The following RAD21 variants were observed in gnomAD, a reference collection of about 807,000 sequenced individuals.
RAD21 encodes the protein RAD21 cohesin complex component, also known as double-strand-break repair protein rad21 homolog.
A neutral mutation model predicts 71.5 loss-of-function variants in RAD21; 18 were observed. The observed-to-expected ratio is 0.25, with a 90% CI of 0.17 to 0.37. The LOEUF (loss-of-function observed/expected upper bound fraction) is 0.37, where lower values mean the gene tolerates loss of function less well. Among genes scored for constraint, RAD21 ranks in the 10% least tolerant of loss-of-function variants. The probability of loss-of-function intolerance (pLI) is 1.00; values close to 1 mark genes in which losing one functional copy is unlikely to be tolerated. For missense variants in RAD21, 493 were observed against 769.1 expected, an observed-to-expected ratio of 0.64 and a Z score of 4.25; for synonymous variants, 248 against 254.0, an observed-to-expected ratio of 0.98 and a Z score of 0.22.
chr8:116,849,271 T>G, intron 12 of RAD21: 1 of 412,178 alleles, frequency 2.4e-6, no homozygotes, highest in African/African-American at 2.0e-5. Flanking sequence ...AAAGTATGCT[T>G]CTATATTGCG....
intron 1 of RAD21, among the ~76,000 whole-genome samples, chr8:116,871,723 A>C (rs1812825395): frequency 6.6e-6 from 1 of 152,254 alleles, no homozygotes; most frequent in African/African-American, 2.4e-5. Context: ...AAAAATCCTA[A>C]GAAAACTTAC....
intron 12 of RAD21, among the ~76,000 whole-genome samples, chr8:116,850,410 A>G (rs1289242355): frequency 6.6e-6 from 1 of 152,202 alleles, no homozygotes; most frequent in East Asian, 1.9e-4. Context: ...AAAACCCCAC[A>G]AGAGAGCCAA....
chr8:116,861,708 T>C, intron 4 of RAD21, 133 bp downstream of exon 4: 1 of 532,402 alleles, frequency 1.9e-6, no homozygotes, highest in Non-Finnish European at 3.3e-6. Context: ...ATTTATATAC[T>C]ATCCTATATA....
chr8:116,867,564 A>T lies in RAD21; in HGVS notation c.-32-803T>A, dbSNP rs1057140266. Among the ~76,000 whole-genome samples, 6 of 152,298 alleles carry T rather than the reference A, an allele frequency of 3.9e-5. No homozygotes were observed. In the East Asian group the frequency reaches 1.2e-3, roughly 29 times the overall value. On this transcript the variant is annotated intron_variant, in intron 1 of 13. Transcript: ENST00000297338. ...ACATTAACTGCAGGATATTTCCTTTATATCATTTAATTCCCCTCTTTCACG... is the reference window on the plus strand; with the variant it reads ...ACATTAACTGCAGGATATTTCCTTTTTATCATTTAATTCCCCTCTTTCACG...
chr8:116,862,997 T>A, intron 3 of RAD21, 133 bp downstream of exon 3: 1 of 1,208,356 alleles, frequency 8.3e-7, no homozygotes, highest in Non-Finnish European at 1.1e-6. Context: ...GCTCTATCTT[T>A]GAAGGGTTCC....
At chr8:116,863,853 G>C (rs1172846260) in intron 2 of RAD21, among the ~76,000 whole-genome samples, 1 of 152,086 alleles carries the variant, frequency 6.6e-6, no homozygotes, top group African/African-American at 2.4e-5. Context: ...TAAGGATGGA[G>C]AGTTCTTGGA....
At chr8:116,864,616 C>G (rs1243147541) in intron 2 of RAD21, among the ~76,000 whole-genome samples, 1 of 151,956 alleles carries the variant, frequency 6.6e-6, no homozygotes, top group Non-Finnish European at 1.5e-5. Flanking sequence ...AAAACAGAAT[C>G]TATTTTTATG....
intron 6 of RAD21, 109 bp downstream of exon 6, chr8:116,857,158 A>G (rs1037857179): frequency 5.6e-6 from 5 of 900,112 alleles, no homozygotes; most frequent in Non-Finnish European, 8.5e-6. Context: ...CAATTCACTC[A>G]TATATATCTA....
At chr8:116,852,193 T>A (rs561421306) in intron 10 of RAD21, 97 bp from the exon 11 acceptor site, 7 of 1,131,068 alleles carry the variant, frequency 6.2e-6, no homozygotes, top group Non-Finnish European at 8.5e-6. Context: ...AAGACATACA[T>A]AATGCTTTCT....
chr8:116,873,677 C>T (rs968690280), intron 1 of RAD21, among the ~76,000 whole-genome samples: 8 of 151,782 alleles, frequency 5.3e-5, no homozygotes, highest in Non-Finnish European at 1.0e-4. Flanking sequence ...ATCAGAGTGA[C>T]CAAGTAAATC....
chr8:116,856,336 A>G (rs749738252), intron 7 of RAD21, 48 bp from the exon 8 acceptor site: 11 of 1,426,722 alleles, frequency 7.7e-6, no homozygotes, highest in Non-Finnish European at 1.0e-5. Flanking sequence ...GCTTTGGTAT[A>G]TAACATATAT....
intron 1 of RAD21, among the ~76,000 whole-genome samples, chr8:116,867,247 T>C (rs1812715488): frequency 6.6e-6 from 1 of 152,214 alleles, no homozygotes; most frequent in South Asian, 2.1e-4. Context: ...AAGCATTTCA[T>C]ATTCCACCAA....
In RAD21 at chr8:116,847,613, C is replaced by T. The variant is rs1283070450; in HGVS notation, c.1783G>A (p.Ala595Thr). Reference protein sequence around the residue: ...CRNTNRKQAAAKFYSFLVLKK... With the variant: ...CRNTNRKQAATKFYSFLVLKK... ...AGAACCAAGAAGCTGTAGAACTTTG[C>T]GGCAGCTTGTTTTCTGTTCGTATTT... The change falls in exon 14 of 14, where the codon GCA (alanine) becomes ACA (threonine). Residue 595 changes from alanine to threonine, a missense_variant. Physicochemically the swap from Ala to Thr is moderately conservative, Grantham distance 58. Transcript: ENST00000297338. 1.2e-5 allele frequency: 20 copies of T among 1,613,958 alleles called. No individual in the cohort carries two copies. Among genetic ancestry groups the T allele is most frequent in the South Asian group, 2.2e-5 (2 of 91,080 alleles).
intron 13 of RAD21, 72 bp from the exon 14 acceptor site, chr8:116,847,763 G>T: frequency 7.4e-7 from 1 of 1,347,504 alleles, no homozygotes; most frequent in Non-Finnish European, 1.0e-6. Flanking sequence ...TGCTGATACA[G>T]TTTGAATATT....
At chr8:116,851,578 C>A (rs112216658) in intron 11 of RAD21, 96 of 161,122 alleles carry the variant, frequency 6.0e-4, no homozygotes, top group African/African-American at 2.2e-3. Flanking sequence ...TACTGCTTTA[C>A]ATTTTCTCAG....
chr8:116,851,113 G>A (rs748042051), intron 11 of RAD21: 1 of 159,112 alleles, frequency 6.3e-6, no homozygotes, highest in African/African-American at 2.4e-5. Flanking sequence ...AGTCTTGAAT[G>A]TCTCACGGCA....
In RAD21 at chr8:116,848,956, T is replaced by C. The variant is rs1299225160; in HGVS notation, c.1694A>G (p.His565Arg). 1 of 1,608,754 alleles carries C rather than the reference T, an allele frequency of 6.2e-7. No individual in the cohort carries two copies. Among genetic ancestry groups the C allele is most frequent in the Non-Finnish European group, 8.5e-7 (1 of 1,177,394 alleles). ...RWNKRTQQML[H>R]GLQRALAKTG... ...CAACAGCGGCAATACCTGAAGACCATGAAGCATCTGCTGAGTCCTTTTGTT... is the reference window on the plus strand; with the variant it reads ...CAACAGCGGCAATACCTGAAGACCACGAAGCATCTGCTGAGTCCTTTTGTT... Residue 565 changes from histidine (H) to arginine (R), a missense_variant, in exon 13 of 14, where the codon CAT (histidine) becomes CGT (arginine). By Grantham distance (29) the His-to-Arg change is conservative (BLOSUM62 0). This residue lies in a region of RAD21 where 225 missense variants were observed against 218.3 expected (regional missense o/e 1.03). Coordinates refer to ENST00000297338, the MANE Select transcript of RAD21 (RefSeq NM_006265.3).
At chr8:116,847,748 G>A (rs1812275791) in intron 13 of RAD21, 57 bp from the exon 14 acceptor site, 1 of 1,433,232 alleles carries the variant, frequency 7.0e-7, no homozygotes, top group South Asian at 1.3e-5. Flanking sequence ...GTAATTCAGT[G>A]AGGATGCTGA....
At chr8:116,856,479 G>A (rs1035454047) in intron 7 of RAD21, among the ~76,000 whole-genome samples, 167 bp downstream of exon 7, 1 of 152,168 alleles carries the variant, frequency 6.6e-6, no homozygotes, top group African/African-American at 2.4e-5. Context: ...AAATGGGGAG[G>A]GGTGCAAGAT....
Sources: allele counts gnomAD v4.1 joint callset (sites outside exome capture counted in the v4.1 genomes callset), GRCh38; gene constraint gnomAD v4.1.1; regional missense constraint gnomAD v4.1.1; transcripts MANE v1.5; gene names NCBI Gene and HGNC (gene_info 2026-07-23, HGNC 2026-07-21).